The following NME7 variants were observed in gnomAD, a reference collection of about 807,000 sequenced individuals.
The protein encoded by NME7 is nucleoside diphosphate kinase 7.
In NME7, 41 loss-of-function variants were observed where a neutral mutation model predicts 49.1. The ratio of observed to expected loss-of-function variants is 0.83; its 90% CI spans 0.65 to 1.08. NME7 has a LOEUF of 1.08. NME7 is among the 50% of genes least tolerant of loss of function. NME7 has a pLI of 0.00. For missense variants in NME7, 423 were observed against 463.4 expected (o/e 0.91, Z 0.80); for synonymous variants, 139 against 150.6 (o/e 0.92, Z 0.56).
At chr1:169,295,161 A>G (rs1033306971) in intron 6 of NME7, among the ~76,000 whole-genome samples, 7 of 152,182 alleles carry the variant, frequency 4.6e-5, no homozygotes, top group Non-Finnish European at 8.8e-5. Flanking sequence ...TGTCCCAGCC[A>G]TCAGGACTAT....
At chr1:169,209,632 G>C (rs867200296) in intron 10 of NME7, among the ~76,000 whole-genome samples, 1 of 152,054 alleles carries the variant, frequency 6.6e-6, no homozygotes, top group Non-Finnish European at 1.5e-5. Context: ...CATAGCCACA[G>C]AGCTTTTTAA....
At chr1:169,155,663 G>A (rs1659046231) in intron 11 of NME7, among the ~76,000 whole-genome samples, 1 of 152,052 alleles carries the variant, frequency 6.6e-6, no homozygotes, top group South Asian at 2.1e-4. Flanking sequence ...AAAACAAAAC[G>A]ATGATGATGG....
chr1:169,235,534 A>C (rs1427341073), intron 8 of NME7, among the ~76,000 whole-genome samples: 1 of 152,092 alleles, frequency 6.6e-6, no homozygotes, highest in Non-Finnish European at 1.5e-5. Flanking sequence ...TCCTATCTCA[A>C]GCAGTCTGAC....
intron 10 of NME7, among the ~76,000 whole-genome samples, chr1:169,202,420 T>A (rs1038333498): frequency 2.6e-5 from 4 of 152,190 alleles, no homozygotes; most frequent in African/African-American, 9.6e-5. Flanking sequence ...CCTTTTGACA[T>A]AACAGTAAGC....
chr1:169,185,067 A>G (rs1033620530), intron 10 of NME7, among the ~76,000 whole-genome samples: 1 of 152,174 alleles, frequency 6.6e-6, no homozygotes, highest in Non-Finnish European at 1.5e-5. Context: ...AACGTTTCAC[A>G]GGATCCTCTT....
At chr1:169,249,727 T>C (rs953250923) in intron 7 of NME7, among the ~76,000 whole-genome samples, 3 of 152,122 alleles carry the variant, frequency 2.0e-5, no homozygotes, top group Non-Finnish European at 4.4e-5. Context: ...CTGCATCTAT[T>C]CAGATGATCA....
At chr1:169,230,878 T>C in intron 9 of NME7, 59 bp from the exon 10 acceptor site, 3 of 1,138,724 alleles carry the variant, frequency 2.6e-6, no homozygotes, top group Admixed American at 2.3e-5. Context: ...TCTCCCCTTT[T>C]AATTGTTTCA....
At chr1:169,280,704 A>C (rs1324981405) in intron 7 of NME7, among the ~76,000 whole-genome samples, 1 of 147,800 alleles carries the variant, frequency 6.8e-6, no homozygotes, top group Non-Finnish European at 1.5e-5. Flanking sequence ...CTATTTATTA[A>C]ATAGGGAATC....
chr1:169,311,215 G>A (rs1050368735), intron 3 of NME7, among the ~76,000 whole-genome samples: 1 of 151,876 alleles, frequency 6.6e-6, no homozygotes, highest in African/African-American at 2.4e-5. Flanking sequence ...TCAGGAGATC[G>A]AGACCATCCT....
chr1:169,160,119 T>C (rs1659202163), intron 11 of NME7, among the ~76,000 whole-genome samples: 1 of 152,122 alleles, frequency 6.6e-6, no homozygotes, highest in South Asian at 2.1e-4. Context: ...GTGACACAGC[T>C]CTTTCCCTGT....
intron 1 of NME7, among the ~76,000 whole-genome samples, chr1:169,327,698 C>CA (rs1189893843): frequency 6.6e-6 from 1 of 151,842 alleles, no homozygotes; most frequent in Non-Finnish European, 1.5e-5. Context: ...AGTTTTATAA[C>CA]AAAAAATAGG....
chr1:169,280,608 A>C (rs1649968096), intron 7 of NME7, among the ~76,000 whole-genome samples: 1 of 147,544 alleles, frequency 6.8e-6, no homozygotes, highest in African/African-American at 2.5e-5. Flanking sequence ...AAAGTCTTTG[A>C]TCCATCTTGA....
rs1467731069 is a variant in NME7, at chr1:169,275,510, G to A, written c.754+11793C>T. On this transcript the variant is annotated intron_variant, in intron 7 of 11. Transcript: ENST00000367811. ...AAAAAAAAAAAAAAAAAAAAAGAAT[G>A]CTTGTGATTTTTGTACATTGATTTT... is the stretch of plus-strand genomic sequence containing the variant. Among the ~76,000 whole-genome samples the A allele has an allele frequency of 1.7e-5, 2 of 117,656 alleles. 1 individual carries two copies. Among genetic ancestry groups the A allele is most frequent in the Non-Finnish European group, 3.9e-5 (2 of 51,946 alleles). The allele number at this position is 117,656 out of a possible 152,430, so 77.2% of individuals were successfully genotyped here.
At chr1:169,302,117 C>G (rs1357369557) in intron 5 of NME7, 1 of 132,632 alleles carries the variant, frequency 7.5e-6, no homozygotes, top group Non-Finnish European at 1.7e-5. Context: ...GCTGGCAAGT[C>G]TGTAGAGAAA....
chr1:169,252,013 A>G (rs112277074), intron 7 of NME7, among the ~76,000 whole-genome samples: 6,792 of 149,214 alleles, frequency 0.046, 181 homozygotes, highest in East Asian at 0.12. Context: ...TAATGCCGCA[A>G]TAAACATACG....
In NME7 at chr1:169,259,657, CAGATT is replaced by C. The variant is rs901541402; in HGVS notation, c.755-21975_755-21971del. 5.6e-4 allele frequency among the ~76,000 whole-genome samples: 75 copies of C among 134,118 alleles called. 9 individuals are homozygous for C. The highest frequency in any genetic ancestry group is 1.8e-3 in the African/African-American group (70 of 39,696). The allele number at this position is 134,118 out of a possible 152,430, so 88.0% of individuals were successfully genotyped here. On this transcript the variant is annotated intron_variant, in intron 7 of 11. Transcript: ENST00000367811. ...AGGTGCATGTTTTGAATCACATTAACAGATTAAATAAAAATCTATGATGCAAAGCC... is the reference window on the plus strand; with the variant it reads ...AGGTGCATGTTTTGAATCACATTAACAAATAAAAATCTATGATGCAAAGCC...
intron 3 of NME7, among the ~76,000 whole-genome samples, chr1:169,313,327 A>G (rs1223455153): frequency 6.6e-6 from 1 of 152,094 alleles, no homozygotes; most frequent in Non-Finnish European, 1.5e-5. Flanking sequence ...GGGAAAGGGT[A>G]ACAGAACCCA....
Position 169,132,769 on chromosome 1 carries a change from T to A in NME7, c.*16A>T, listed in dbSNP as rs1437922245. On this transcript the variant is annotated 3_prime_UTR_variant, in exon 12 of 12. Coordinates refer to ENST00000367811, the MANE Select transcript of NME7 (RefSeq NM_013330.5). The stretch of plus-strand genomic sequence containing the variant: ...TCTAAATGTCCCAACCTGTGACTTC[T>A]TTACTTTCCACACCACTAATTATCC... 6.2e-7 allele frequency: 1 copy of A among 1,611,606 alleles called. No homozygotes were observed. Among genetic ancestry groups the A allele is most frequent in the African/African-American group, 1.3e-5 (1 of 74,818 alleles).
chr1:169,137,187 A>G (rs1658457164), intron 11 of NME7, among the ~76,000 whole-genome samples: 1 of 152,246 alleles, frequency 6.6e-6, no homozygotes, highest in Admixed American at 6.5e-5. Context: ...CTTACAGCCA[A>G]GGCTGGCTGC....
Sources: gnomAD v4.1 joint callset for allele counts (sites outside exome capture counted in the v4.1 genomes callset) on GRCh38, gnomAD v4.1.1 for gene constraint, MANE v1.5 for transcripts, NCBI Gene and HGNC (gene_info 2026-07-23, HGNC 2026-07-21) for gene names.